The following SEMA6D variants were observed in gnomAD, a reference collection of about 807,000 sequenced individuals.
SEMA6D encodes the protein semaphorin-6D.
In SEMA6D, 35 loss-of-function variants were observed where a neutral mutation model predicts 106.6. That is an observed-to-expected ratio of 0.33 (90% confidence interval 0.25 to 0.44). The LOEUF is 0.44. Among genes scored for constraint, SEMA6D ranks in the 20% least tolerant of loss-of-function variants. The pLI is 1.00. For synonymous variants in SEMA6D, 499 were observed against 487.7 expected (o/e 1.02, Z -0.31); for missense variants, 1,185 against 1,345.9 (o/e 0.88, Z 1.87).
chr15:47,479,508 T>C (rs890304902), intron 3 of SEMA6D, among the ~76,000 whole-genome samples: 5 of 152,220 alleles, frequency 3.3e-5, no homozygotes, highest in African/African-American at 1.2e-4. Context: ...TTATCTTTTA[T>C]ATACTACCTA....
At chr15:47,498,682 T>A (rs1339660223) in intron 3 of SEMA6D, among the ~76,000 whole-genome samples, 5 of 152,184 alleles carry the variant, frequency 3.3e-5, no homozygotes, top group Non-Finnish European at 7.4e-5. Flanking sequence ...AAAATATATG[T>A]TATAAATTTT....
chr15:47,503,403 CTG>C (rs1380664037), intron 3 of SEMA6D, among the ~76,000 whole-genome samples: 1 of 152,152 alleles, frequency 6.6e-6, no homozygotes, highest in Non-Finnish European at 1.5e-5. Flanking sequence ...GTGAGGTTAT[CTG>C]TGTGGTGAAG....
At chr15:47,563,339 G>C (rs189108943) in intron 3 of SEMA6D, among the ~76,000 whole-genome samples, 2 of 152,216 alleles carry the variant, frequency 1.3e-5, no homozygotes, top group Admixed American at 6.5e-5. Context: ...TAAAATTCAA[G>C]AAAACAATTT....
At chr15:47,312,048 C>CT (rs2036468377) in intron 1 of SEMA6D, among the ~76,000 whole-genome samples, 1 of 152,106 alleles carries the variant, frequency 6.6e-6, no homozygotes, top group Non-Finnish European at 1.5e-5. Flanking sequence ...TGCCTCAGCT[C>CT]TGACTGTGAT....
chr15:47,411,017 A>G (rs1013153018), intron 1 of SEMA6D, among the ~76,000 whole-genome samples: 1 of 151,820 alleles, frequency 6.6e-6, no homozygotes, highest in Non-Finnish European at 1.5e-5. Flanking sequence ...GACTCATGCC[A>G]TGGTGGACAC....
chr15:47,522,540 AGTAAG>A (rs2044619927), intron 3 of SEMA6D, among the ~76,000 whole-genome samples: 2 of 152,234 alleles, frequency 1.3e-5, no homozygotes, highest in Non-Finnish European at 2.9e-5. Context: ...AAGGCAGGTA[AGTAAG>A]CATCCTTTCA....
At chr15:47,668,927 A>C (rs2078085298) in intron 4 of SEMA6D, among the ~76,000 whole-genome samples, 1 of 152,226 alleles carries the variant, frequency 6.6e-6, no homozygotes, top group Non-Finnish European at 1.5e-5. Flanking sequence ...GTTAAGGTAC[A>C]TCTTTTTGTT....
At chr15:47,691,850 A>T (rs1439738981) in intron 4 of SEMA6D, among the ~76,000 whole-genome samples, 2 of 23,478 alleles carry the variant, frequency 8.5e-5, no homozygotes, top group African/African-American at 2.6e-4. Flanking sequence ...AAAAGACAGT[A>T]AAAAAAAAAA....
chr15:47,246,830 T>G (rs1185902329), intron 1 of SEMA6D, among the ~76,000 whole-genome samples: 7 of 152,224 alleles, frequency 4.6e-5, no homozygotes, highest in Non-Finnish European at 1.5e-5. Context: ...TGGGCCATTA[T>G]TCTGCCTACT....
intron 8 of SEMA6D, 54 bp downstream of exon 8, chr15:47,762,373 G>C (rs748803249): frequency 7.0e-5 from 111 of 1,596,236 alleles, no homozygotes; most frequent in Non-Finnish European, 8.9e-5. Context: ...TGGCCCAAGT[G>C]GGGACAGCAG....
chr15:47,617,034 C>T (rs2077020131), intron 4 of SEMA6D, among the ~76,000 whole-genome samples: 1 of 152,170 alleles, frequency 6.6e-6, no homozygotes, highest in African/African-American at 2.4e-5. Flanking sequence ...ACTTAGCTCC[C>T]AGGCATGATC....
chr15:47,620,029 C>T (rs74014032), intron 4 of SEMA6D, among the ~76,000 whole-genome samples: 10,867 of 152,086 alleles, frequency 0.071, 497 homozygotes, highest in African/African-American at 0.13. Flanking sequence ...AAAGGGGTTG[C>T]GGTGACAGTG....
Position 47,497,742 on chromosome 15 carries a change from A to G in SEMA6D, c.-87+27197A>G, listed in dbSNP as rs539580720. 9.9e-5 allele frequency among the ~76,000 whole-genome samples: 15 copies of G among 152,196 alleles called. No individual in the cohort carries two copies. In the East Asian group the frequency reaches 1.4e-3, roughly 14 times the overall value. On this transcript the variant is annotated intron_variant, in intron 3 of 19. Transcript: ENST00000558014. ...AAAATCCCCAAATCCACCTTCTGCT[A>G]TAACTAGTATCTTCTAATTCTGTAA...
At chr15:47,535,446 C>T (rs1397310178) in intron 3 of SEMA6D, among the ~76,000 whole-genome samples, 1 of 152,122 alleles carries the variant, frequency 6.6e-6, no homozygotes, top group Non-Finnish European at 1.5e-5. Flanking sequence ...TTAACCACCA[C>T]ACAAAACAGC....
At chr15:47,511,248 A>G (rs1295163712) in intron 3 of SEMA6D, among the ~76,000 whole-genome samples, 2 of 152,184 alleles carry the variant, frequency 1.3e-5, no homozygotes, top group Admixed American at 6.5e-5. Flanking sequence ...TTCCTTCAGC[A>G]TCAGTTTAAT....
intron 1 of SEMA6D, among the ~76,000 whole-genome samples, chr15:47,250,054 A>G (rs62014024): frequency 0.012 from 1,780 of 152,308 alleles, 34 homozygotes; most frequent in Admixed American, 0.012. Flanking sequence ...CAGGTCATGG[A>G]TCCTGTTCTA....
In SEMA6D at chr15:47,384,814, GTTTTTTTTTTTTT is replaced by G. The variant is rs1168068495; in HGVS notation, c.-238-27560_-238-27548del. ...TCAGAATTAACATTTGATTACTAAA[GTTTTTTTTTTTTT>G]TTTTTTTTTTTTTTTTTTGTAAGAA... On this transcript the variant is annotated intron_variant, in intron 1 of 19. Coordinates refer to the SEMA6D transcript ENST00000558014. 2.3e-4 allele frequency among the ~76,000 whole-genome samples: 15 copies of G among 65,696 alleles called. 1 individual carries two copies. Among genetic ancestry groups the G allele is most frequent in the South Asian group, 8.9e-4 (1 of 1,122 alleles). The allele number at this position is 65,696 out of a possible 152,430, so 43.1% of individuals were successfully genotyped here.
intron 1 of SEMA6D, among the ~76,000 whole-genome samples, chr15:47,342,951 G>T (rs2037881482): frequency 6.6e-6 from 1 of 152,106 alleles, no homozygotes; most frequent in Non-Finnish European, 1.5e-5. Flanking sequence ...CACCTCATGT[G>T]ATTTGCCCGC....
At chr15:47,459,056 C>A (rs2141012031) in intron 2 of SEMA6D, among the ~76,000 whole-genome samples, 1 of 151,976 alleles carries the variant, frequency 6.6e-6, no homozygotes, top group African/African-American at 2.4e-5. Context: ...AATGAGATGT[C>A]ATTCTTGTGA....
Sources: allele counts gnomAD v4.1 joint callset (sites outside exome capture counted in the v4.1 genomes callset), GRCh38; gene constraint gnomAD v4.1.1; transcripts MANE v1.5; gene names NCBI Gene and HGNC (gene_info 2026-07-23, HGNC 2026-07-21).